NISCH: variants seen among roughly 807,000 people sequenced by gnomAD.
NISCH encodes nischarin.
Under a neutral mutation model 138.4 loss-of-function variants are expected in NISCH, and 55 were observed. The observed-to-expected ratio is 0.40, with a 90% CI of 0.32 to 0.50. The LOEUF (loss-of-function observed/expected upper bound fraction) is 0.50, where lower values mean the gene tolerates loss of function less well. Among genes scored for constraint, NISCH ranks in the 20% least tolerant of loss-of-function variants. NISCH has a pLI of 0.71. For synonymous variants in NISCH, 860 were observed against 861.5 expected (o/e 1.00, Z 0.03); for missense variants, 1,643 against 2,005.5 (o/e 0.82, Z 3.45).
intron 3 of NISCH, among the ~76,000 whole-genome samples, chr3:52,469,794 A>G (rs1339813791): frequency 6.6e-6 from 1 of 152,070 alleles, no homozygotes; most frequent in Non-Finnish European, 1.5e-5. Flanking sequence ...ACATGCCTGT[A>G]CTACCAACTA....
At chr3:52,459,780 A>G (rs1321660029) in intron 3 of NISCH, among the ~76,000 whole-genome samples, 7 of 152,058 alleles carry the variant, frequency 4.6e-5, no homozygotes, top group Non-Finnish European at 1.0e-4. Flanking sequence ...AATTTCTTCT[A>G]AGGAAAAATC....
At chr3:52,484,462 T>TGGGCGCCCCCCCCC in intron 13 of NISCH, 51 bp from the exon 14 acceptor site, 1 of 788,670 alleles carries the variant, frequency 1.3e-6, no homozygotes, top group Non-Finnish European at 1.8e-6. Context: ...ACAGCCGCTC[T>TGGGCGCCCCCCCCC]CCCCGCCCCA....
chr3:52,480,838 CTATCTTAGCGTT>C (rs1301628164), intron 13 of NISCH: 1 of 1,529,830 alleles, frequency 6.5e-7, no homozygotes, highest in Non-Finnish European at 8.7e-7. Context: ...CGTCTGCCCA[CTATCTTAGCGTT>C]TTCAAAGGGC....
chr3:52,462,134 T>G (rs1410197757), intron 3 of NISCH, among the ~76,000 whole-genome samples: 2 of 152,214 alleles, frequency 1.3e-5, no homozygotes, highest in Non-Finnish European at 2.9e-5. Context: ...TTGTAGAAGT[T>G]TTGACATATT....
chr3:52,491,835 G>A (rs1559646366), intron 20 of NISCH, 37 bp from the exon 21 acceptor site: 16 of 1,533,994 alleles, frequency 1.0e-5, no homozygotes, highest in South Asian at 3.8e-5. Context: ...ACCAGGGGCC[G>A]GTTCCAGGCT....
chr3:52,463,714 C>CTTTTTTTT (rs71084184), intron 3 of NISCH, among the ~76,000 whole-genome samples: 3 of 41,402 alleles, frequency 7.2e-5, no homozygotes, highest in African/African-American at 1.2e-4. Flanking sequence ...TATTGAACCT[C>CTTTTTTTT]TTTTTTTTTT....
intron 2 of NISCH, 59 bp downstream of exon 2, chr3:52,457,985 T>C: frequency 7.6e-7 from 1 of 1,311,076 alleles, no homozygotes; most frequent in Non-Finnish European, 1.1e-6. Flanking sequence ...AGGCCAACTT[T>C]CCATTGTGCC....
intron 3 of NISCH, chr3:52,470,419 G>A (rs759600459): frequency 5.2e-4 from 87 of 167,014 alleles, no homozygotes; most frequent in Non-Finnish European, 9.9e-4. Context: ...GGGAGGGTTA[G>A]CTCTGGGTGG....
In NISCH at chr3:52,478,539, A is replaced by C. The variant is rs747028510; in HGVS notation, c.1264A>C (p.Thr422Pro). Residue 422 changes from threonine to proline, a missense_variant, in exon 11 of 21, where the codon ACC (threonine) becomes CCC (proline). Coordinates refer to ENST00000345716, the MANE Select transcript of NISCH (RefSeq NM_007184.4). ...TCTGAGCATCATCCCCGACTACCGG[A>C]CCAAGGTGCTGGCTCAGTTCGGAGA... ...NPLSIIPDYR[T>P]KVLAQFGERA... 2.7e-5 allele frequency: 43 copies of C among 1,614,050 alleles called. No homozygotes were observed. Among genetic ancestry groups the C allele is most frequent in the Non-Finnish European group, 2.5e-6 (3 of 1,180,036 alleles).
intron 13 of NISCH, among the ~76,000 whole-genome samples, chr3:52,484,013 C>A (rs1466450119): frequency 2.6e-5 from 4 of 152,224 alleles, no homozygotes; most frequent in African/African-American, 9.7e-5. Flanking sequence ...TGAGAGCGAG[C>A]ATTCTTTTCA....
intron 2 of NISCH, 84 bp from the exon 3 acceptor site, chr3:52,458,578 G>A (rs1055022030): frequency 1.7e-6 from 2 of 1,196,214 alleles, no homozygotes; most frequent in African/African-American, 3.0e-5. Flanking sequence ...GCTGACAAGC[G>A]CCTGCCCTCA....
In NISCH at chr3:52,492,818, C is replaced by G; in HGVS notation, c.*336C>G. On this transcript the variant is annotated 3_prime_UTR_variant, in exon 21 of 21. Coordinates refer to ENST00000345716, the MANE Select transcript of NISCH (RefSeq NM_007184.4). ...CACGTCCTTTCCTGAAGTGTCGAGT[C>G]CAGTCCTTTGTTGCTGTTGCTGTTG... The G allele has an allele frequency of 3.1e-6, 1 of 324,662 alleles. No individual in the cohort carries two copies. 20.1% of individuals were successfully genotyped at this position (324,662 alleles called of 1,614,324 possible).
chr3:52,465,645 A>G (rs1706760834), intron 3 of NISCH, among the ~76,000 whole-genome samples: 1 of 152,210 alleles, frequency 6.6e-6, no homozygotes, highest in African/African-American at 2.4e-5. Flanking sequence ...TTCCAAACTC[A>G]GTGAAATGGA....
At chr3:52,481,313 G>A in intron 13 of NISCH, 1 of 1,015,706 alleles carries the variant, frequency 9.8e-7, no homozygotes. Context: ...TTCAAGTTAA[G>A]GCAAAAGGCC....
Position 52,492,020 on chromosome 3 carries a change from G to A in NISCH, c.4053G>A (p.Val1351=), listed in dbSNP as rs373644936. Residue 1351 remains valine (V), a synonymous_variant, in exon 21 of 21, where the codon GTG becomes GTA. Transcript: ENST00000345716. ...CAGCCCTCAGCATCCTGCTGTACGTGCAGGCCTTCCAGGTGGGCATGCCAC... is the reference window on the plus strand; with the variant it reads ...CAGCCCTCAGCATCCTGCTGTACGTACAGGCCTTCCAGGTGGGCATGCCAC... ...KAPALSILLY[V]QAFQVGMPPP... 5 of 1,613,146 alleles carry A rather than the reference G, an allele frequency of 3.1e-6. No homozygotes were observed. In the African/African-American group the frequency reaches 6.7e-5, roughly 22 times the overall value.
chr3:52,489,788 C>T, intron 17 of NISCH, 110 bp downstream of exon 17: 2 of 1,482,478 alleles, frequency 1.3e-6, no homozygotes, highest in Non-Finnish European at 1.8e-6. Flanking sequence ...TGTCGGAGTC[C>T]TCAGCTGAGC....
rs772757959 is a variant in NISCH, at chr3:52,492,361, G to C, written c.4394G>C (p.Arg1465Pro). ...PGGPARASQG[R>P]EVQWQVFVPS... ...GGCCCGGCTAGAGCCAGCCAGGGCC[G>C]TGAAGTCCAGTGGCAGGTGTTTGTC... Residue 1465 changes from arginine to proline, a missense_variant, in exon 21 of 21, where the codon CGT becomes CCT. Physicochemically the swap from Arg to Pro is moderately radical, Grantham distance 103. Coordinates refer to ENST00000345716, the MANE Select transcript of NISCH (RefSeq NM_007184.4). 1.9e-6 allele frequency: 3 copies of C among 1,613,362 alleles called. No individual in the cohort carries two copies. Among genetic ancestry groups the C allele is most frequent in the Non-Finnish European group, 2.5e-6 (3 of 1,180,032 alleles).
Position 52,488,481 on chromosome 3 carries a change from G to A in NISCH, c.2989G>A (p.Val997Ile), listed in dbSNP as rs372817454. The change falls in exon 16 of 21, where the codon GTC (valine) becomes ATC (isoleucine). Residue 997 changes from valine to isoleucine, a missense_variant. Physicochemically the swap from Val to Ile is conservative, Grantham distance 29. Transcript: ENST00000345716. The part of the protein sequence containing the change: ...LPHEKFHFLR[V>I]YNQLRASLQD... ...CCACGAGAAGTTCCACTTCCTGCGC[G>A]TCTACAACCAGCTGCGGGCCTCGCT... 1.4e-5 allele frequency: 23 copies of A among 1,613,372 alleles called. No homozygotes were observed. Among genetic ancestry groups the A allele is most frequent in the East Asian group, 6.7e-5 (3 of 44,882 alleles).
At chr3:52,477,251 C>T (rs555114930) in intron 8 of NISCH, among the ~76,000 whole-genome samples, 126 of 152,272 alleles carry the variant, frequency 8.3e-4, no homozygotes, top group African/African-American at 2.8e-3. Flanking sequence ...GTGTCGTTCC[C>T]GTGTTTGCGC....
Sources: allele counts gnomAD v4.1 joint callset (sites outside exome capture counted in the v4.1 genomes callset), GRCh38; gene constraint gnomAD v4.1.1; transcripts MANE v1.5; gene names NCBI Gene and HGNC (gene_info 2026-07-23, HGNC 2026-07-21).